BACH2: variants seen among roughly 807,000 people sequenced by gnomAD.
BACH2 encodes BACH transcriptional regulator 2.
In BACH2, 5 loss-of-function variants were observed where a neutral mutation model predicts 61.8. The ratio of observed to expected loss-of-function variants is 0.08; its 90% CI spans 0.04 to 0.17. The LOEUF is 0.17. BACH2 is among the 10% of genes least tolerant of loss of function. BACH2 has a pLI of 1.00. For missense variants in BACH2, 824 were observed against 1,091.1 expected, an observed-to-expected ratio of 0.76 and a Z score of 3.45; for synonymous variants, 446 against 440.1, an observed-to-expected ratio of 1.01 and a Z score of -0.17.
At chr6:90,028,462 C>T (rs534390254) in intron 5 of BACH2, among the ~76,000 whole-genome samples, 2 of 152,314 alleles carry the variant, frequency 1.3e-5, no homozygotes, top group South Asian at 2.1e-4. Context: ...CTACCTTTTG[C>T]ATGTATGTTC....
intron 4 of BACH2, among the ~76,000 whole-genome samples, chr6:90,158,592 G>A (rs976056877): frequency 2.6e-5 from 4 of 151,734 alleles, no homozygotes; most frequent in African/African-American, 7.3e-5. Flanking sequence ...TCAGGGGCCT[G>A]GGCAGGGGCT....
intron 3 of BACH2, among the ~76,000 whole-genome samples, chr6:90,243,339 A>G (rs181163427): frequency 1.3e-5 from 2 of 152,258 alleles, no homozygotes; most frequent in East Asian, 3.9e-4. Context: ...ACTCCATTTT[A>G]CTTTTAAGCA....
At chr6:90,140,320 C>CA (rs1326950336) in intron 4 of BACH2, among the ~76,000 whole-genome samples, 1 of 152,128 alleles carries the variant, frequency 6.6e-6, no homozygotes. Context: ...TACTTGGTGT[C>CA]AAACTAGCAG....
intron 3 of BACH2, among the ~76,000 whole-genome samples, chr6:90,209,848 G>A (rs1769282349): frequency 1.3e-5 from 2 of 152,134 alleles, no homozygotes; most frequent in South Asian, 4.2e-4. Flanking sequence ...CCCTTTGAGG[G>A]AAACATCAGA....
chr6:90,006,110 C>A (rs1777390338), intron 6 of BACH2, among the ~76,000 whole-genome samples: 1 of 152,086 alleles, frequency 6.6e-6, no homozygotes, highest in Admixed American at 6.5e-5. Flanking sequence ...CATTTGTATC[C>A]CAGTTTCCTT....
rs555625352 is a variant in BACH2, at chr6:90,107,605, C to A, written c.-161-18496G>T. Reference sequence around the variant, plus strand: ...AGGATTGAGCTTACAGAAATGAAACCCCCAAGGAGTCTTCACATATTGCTA... The same window carrying A: ...AGGATTGAGCTTACAGAAATGAAACACCCAAGGAGTCTTCACATATTGCTA... On this transcript the variant is annotated intron_variant, in intron 4 of 8. Coordinates refer to ENST00000257749, the MANE Select transcript of BACH2 (RefSeq NM_021813.4). 3.9e-5 allele frequency among the ~76,000 whole-genome samples: 6 copies of A among 152,104 alleles called. No homozygotes were observed. In the East Asian group the frequency reaches 9.7e-4, roughly 25 times the overall value.
At chr6:90,147,380 T>C (rs1033070942) in intron 4 of BACH2, among the ~76,000 whole-genome samples, 11 of 152,182 alleles carry the variant, frequency 7.2e-5, no homozygotes, top group African/African-American at 2.7e-4. Context: ...CTCACGTTTT[T>C]CTCTGATCTG....
chr6:89,931,595 C>CA lies in BACH2; in HGVS notation c.*812dup, dbSNP rs913650880. On this transcript the variant is annotated 3_prime_UTR_variant, in exon 9 of 9. Coordinates refer to ENST00000257749, the MANE Select transcript of BACH2 (RefSeq NM_021813.4). ...TACTGTACAGTATCTGCAAGGAAAA[C>CA]AAAAACAAAAACAAAAACAAACAAA... 9 of 152,400 alleles carry CA rather than the reference C, an allele frequency of 5.9e-5. 1 individual carries two copies. Among genetic ancestry groups the CA allele is most frequent in the Admixed American group, 5.2e-4 (8 of 15,260 alleles). The allele number at this position is 152,400 out of a possible 1,614,324, so 9.4% of individuals were successfully genotyped here.
At chr6:90,159,529 T>C (rs1306368690) in intron 4 of BACH2, among the ~76,000 whole-genome samples, 2 of 152,222 alleles carry the variant, frequency 1.3e-5, no homozygotes, top group Non-Finnish European at 1.5e-5. Flanking sequence ...ATGGTCACTA[T>C]ACATATATTT....
intron 5 of BACH2, among the ~76,000 whole-genome samples, chr6:90,013,735 CCTGA>C (rs1257291324): frequency 6.6e-6 from 1 of 151,938 alleles, no homozygotes; most frequent in African/African-American, 2.4e-5. Context: ...GTCTTGATCT[CCTGA>C]CTTTGTGATC....
intron 5 of BACH2, among the ~76,000 whole-genome samples, chr6:90,038,411 T>C (rs896313302): frequency 1.3e-4 from 20 of 151,956 alleles, no homozygotes; most frequent in African/African-American, 4.8e-4. Context: ...TAATATATAA[T>C]TTTTTGTGTG....
chr6:90,288,543 C>T (rs1366570292), intron 1 of BACH2, among the ~76,000 whole-genome samples: 2 of 152,206 alleles, frequency 1.3e-5, no homozygotes, highest in Admixed American at 1.3e-4. Context: ...CCAGGCAGAG[C>T]TGAGTCAGCA....
rs146124065 is a variant in BACH2 at position 90,240,006 on chromosome 6, T to C, written c.-275+12507A>G. 2.2e-3 allele frequency among the ~76,000 whole-genome samples: 335 copies of C among 152,270 alleles called. 1 individual carries two copies. The highest frequency in any genetic ancestry group is 6.3e-3 in the Admixed American group (96 of 15,296). On this transcript the variant is annotated intron_variant, in intron 3 of 8. Transcript: ENST00000257749. Reference sequence around the variant, plus strand: ...AATAAAGATCTAAAAATTCATCTTATAGAAAAAGAAATCTGAGAACTACTT... The same window carrying C: ...AATAAAGATCTAAAAATTCATCTTACAGAAAAAGAAATCTGAGAACTACTT...
chr6:90,120,396 C>T (rs1169807482), intron 4 of BACH2, among the ~76,000 whole-genome samples: 1 of 152,194 alleles, frequency 6.6e-6, no homozygotes, highest in African/African-American at 2.4e-5. Flanking sequence ...AAAAACCCTA[C>T]TTTATTAAAA....
chr6:89,968,906 G>A (rs145387356), intron 6 of BACH2, among the ~76,000 whole-genome samples: 1,613 of 152,196 alleles, frequency 0.011, 31 homozygotes, highest in African/African-American at 0.036. Flanking sequence ...AGCTACTTGG[G>A]GGGCTGAGGC....
chr6:90,018,062 C>T (rs1213370362), intron 5 of BACH2, among the ~76,000 whole-genome samples: 1 of 152,206 alleles, frequency 6.6e-6, no homozygotes, highest in East Asian at 1.9e-4. Flanking sequence ...TGATTCAAGA[C>T]ACTTCTGAGT....
At chr6:89,955,864 T>C (rs1327267505) in intron 6 of BACH2, among the ~76,000 whole-genome samples, 5 of 151,896 alleles carry the variant, frequency 3.3e-5, no homozygotes, top group Non-Finnish European at 7.4e-5. Flanking sequence ...GCTCTAATAA[T>C]GGGAAAAAAT....
At chr6:90,073,396 T>C (rs530714742) in intron 5 of BACH2, among the ~76,000 whole-genome samples, 2 of 152,312 alleles carry the variant, frequency 1.3e-5, no homozygotes, top group African/African-American at 4.8e-5. Flanking sequence ...TATCAGACAC[T>C]TAAGGAAAGC....
At chr6:90,044,658 T>A (rs1315004664) in intron 5 of BACH2, among the ~76,000 whole-genome samples, 2 of 152,120 alleles carry the variant, frequency 1.3e-5, no homozygotes, top group Non-Finnish European at 2.9e-5. Flanking sequence ...TGGACTGAAC[T>A]ATGGAAGGAG....
Sources: gnomAD v4.1 joint callset for allele counts (sites outside exome capture counted in the v4.1 genomes callset) on GRCh38, gnomAD v4.1.1 for gene constraint, MANE v1.5 for transcripts, NCBI Gene and HGNC (gene_info 2026-07-23, HGNC 2026-07-21) for gene names.